SAP130: variants seen among roughly 807,000 people sequenced by gnomAD.
SAP130 encodes the protein histone deacetylase complex subunit SAP130.
A neutral mutation model predicts 103.2 loss-of-function variants in SAP130; 16 were observed. The ratio of observed to expected loss-of-function variants is 0.16; its 90% confidence interval spans 0.10 to 0.24. SAP130 has a LOEUF of 0.24. SAP130 is among the 10% of genes least tolerant of loss of function. The pLI is 1.00. For synonymous variants in SAP130, 477 were observed against 497.0 expected, an observed-to-expected ratio of 0.96 and a Z score of 0.53; for missense variants, 990 against 1,359.7, an observed-to-expected ratio of 0.73 and a Z score of 4.28.
chr2:127,982,086 A>G (rs1487478236), intron 14 of SAP130, among the ~76,000 whole-genome samples: 1 of 152,136 alleles, frequency 6.6e-6, no homozygotes, highest in African/African-American at 2.4e-5. Flanking sequence ...CATTTTCTAT[A>G]TACTTCCATG....
chr2:128,026,984 G>A (rs999734614), intron 1 of SAP130: 5 of 1,074,744 alleles, frequency 4.7e-6, no homozygotes, highest in South Asian at 3.6e-5. Context: ...GAGACCGGAG[G>A]ACGCCGGTTT....
Position 127,989,248 on chromosome 2 carries a change from G to A in SAP130, c.1780+316C>T, listed in dbSNP as rs1264419091. ...CGAGTAGCTAGGACTACAGGCCCCC[G>A]CCACCACGCCTGGCTAATTTTTTTG... On this transcript the variant is annotated intron_variant, in intron 13 of 20. Transcript: ENST00000643581. This position sits in a 1 kb window ranked among gnomAD's most constrained non-coding sequence, Gnocchi z 4.6. 6.6e-6 allele frequency among the ~76,000 whole-genome samples: 1 copy of A among 151,668 alleles called. No homozygotes were observed. Among genetic ancestry groups the A allele is most frequent in the Non-Finnish European group, 1.5e-5 (1 of 67,938 alleles).
intron 13 of SAP130, among the ~76,000 whole-genome samples, chr2:127,988,880 C>T (rs1342144969): frequency 6.6e-6 from 1 of 151,990 alleles, no homozygotes; most frequent in Non-Finnish European, 1.5e-5. Context: ...TGACTTATTC[C>T]ATTTTTCAAA....
chr2:128,027,403 C>A, intron 1 of SAP130: 1 of 1,133,876 alleles, frequency 8.8e-7, no homozygotes, highest in Non-Finnish European at 1.1e-6. Flanking sequence ...AGAGCCCGCC[C>A]CACCCTCCCG....
intron 7 of SAP130, among the ~76,000 whole-genome samples, chr2:128,002,728 A>C (rs1227798802): frequency 6.6e-6 from 1 of 152,034 alleles, no homozygotes; most frequent in East Asian, 1.9e-4. Flanking sequence ...TTGAAAACTA[A>C]AACAAAAAAC....
intron 12 of SAP130, among the ~76,000 whole-genome samples, chr2:127,991,422 C>A (rs1416483402): frequency 6.6e-6 from 1 of 151,040 alleles, no homozygotes. Flanking sequence ...TCACTGCAGC[C>A]TCAACCTCCT....
At chr2:127,970,540 T>TAAAAA in intron 15 of SAP130, among the ~76,000 whole-genome samples, 1 of 19,120 alleles carries the variant, frequency 5.2e-5, no homozygotes, top group African/African-American at 1.0e-4. Context: ...AGACTCTGTC[T>TAAAAA]TAAAAAAAAA....
intron 16 of SAP130, among the ~76,000 whole-genome samples, 162 bp downstream of exon 16, chr2:127,954,824 T>C (rs1012642558): frequency 6.6e-6 from 1 of 152,244 alleles, no homozygotes; most frequent in Non-Finnish European, 1.5e-5. Flanking sequence ...ACAATGAGTT[T>C]ACTGCTTTCT....
At position 127,996,272 on chromosome 2, in the gene SAP130, G is replaced by T; in HGVS notation, c.1355+78C>A. ...GTAATAAATATAGGCCATATTTGTG[G>T]GACACTTTGTTTTATGCTGATAAAG... is the stretch of plus-strand genomic sequence containing the variant. On this transcript the variant is annotated intron_variant, in intron 11 of 20. Coordinates refer to ENST00000643581, the MANE Select transcript of SAP130 (RefSeq NM_001330301.2). This position sits in a 1 kb window ranked among gnomAD's most constrained non-coding sequence, Gnocchi z 4.3. The T allele has an allele frequency of 7.7e-7, 1 of 1,295,436 alleles. No homozygotes were observed. Among genetic ancestry groups the T allele is most frequent in the Non-Finnish European group, 1.0e-6 (1 of 983,050 alleles). The allele number at this position is 1,295,436 out of a possible 1,614,324, so 80.2% of individuals were successfully genotyped here. A position where few individuals can be genotyped will look rare whatever the true frequency, so the allele number is the denominator to read the frequency against.
Position 127,941,897 on chromosome 2 carries a change from G to T in SAP130, c.*109C>A. 2.0e-6 allele frequency: 2 copies of T among 988,732 alleles called. No individual in the cohort carries two copies. Among genetic ancestry groups the T allele is most frequent in the Non-Finnish European group, 3.1e-6 (2 of 651,250 alleles). 61.2% of individuals were successfully genotyped at this position (988,732 alleles called of 1,614,324 possible). The stretch of plus-strand genomic sequence containing the variant: ...CCTCTGCTTTCACACGGGAACTAAG[G>T]AACACTTCCTTTATTTCAATGTTCC... On this transcript the variant is annotated 3_prime_UTR_variant, in exon 21 of 21. Transcript: ENST00000643581.
chr2:127,986,422 T>A lies in SAP130; in HGVS notation c.1958+363A>T, dbSNP rs915150780. ...CTTTTCCCGTTTCAACAGCAACGAT[T>A]CATGCTGAATGAAGTTTATAGTATG... On this transcript the variant is annotated intron_variant, in intron 14 of 20. Coordinates refer to ENST00000643581, the MANE Select transcript of SAP130 (RefSeq NM_001330301.2). This position sits in a 1 kb window ranked among gnomAD's most constrained non-coding sequence, Gnocchi z 4.7. 6.6e-6 allele frequency among the ~76,000 whole-genome samples: 1 copy of A among 152,204 alleles called. No homozygotes were observed. The highest frequency in any genetic ancestry group is 2.4e-5 in the African/African-American group (1 of 41,448).
At chr2:128,006,785 A>T (rs969659911) in intron 7 of SAP130, among the ~76,000 whole-genome samples, 2 of 152,274 alleles carry the variant, frequency 1.3e-5, no homozygotes, top group Non-Finnish European at 2.9e-5. Context: ...GTCTCAAAAA[A>T]GAATTCTATG....
chr2:128,010,082 C>G (rs1684276028), intron 7 of SAP130, among the ~76,000 whole-genome samples, 187 bp downstream of exon 7: 1 of 151,898 alleles, frequency 6.6e-6, no homozygotes, highest in African/African-American at 2.4e-5. Flanking sequence ...CCTGTAAAAA[C>G]AGAAGCTCTG....
chr2:127,950,012 T>C lies in SAP130; in HGVS notation c.2672-18A>G, dbSNP rs1473796792. 1 of 1,613,424 alleles carries C rather than the reference T, an allele frequency of 6.2e-7. No homozygotes were observed. Among genetic ancestry groups the C allele is most frequent in the Non-Finnish European group, 8.5e-7 (1 of 1,179,664 alleles). ...TTCCTCATCTGTTAAAGAGAAGACATTAAACAACTTAGTAACACTGTCAAC... is the reference window on the plus strand; with the variant it reads ...TTCCTCATCTGTTAAAGAGAAGACACTAAACAACTTAGTAACACTGTCAAC... On this transcript the variant is annotated intron_variant, in intron 17 of 20. Coordinates refer to ENST00000643581, the MANE Select transcript of SAP130 (RefSeq NM_001330301.2).
chr2:127,974,246 T>C (rs555077054), intron 15 of SAP130, among the ~76,000 whole-genome samples: 1 of 152,298 alleles, frequency 6.6e-6, no homozygotes, highest in Non-Finnish European at 1.5e-5. Context: ...AACCCTCCAA[T>C]GGCTCTCCGT....
intron 14 of SAP130, among the ~76,000 whole-genome samples, chr2:127,985,451 C>T (rs1245422504): frequency 6.6e-6 from 1 of 152,216 alleles, no homozygotes; most frequent in Non-Finnish European, 1.5e-5. Flanking sequence ...CACAGAAACT[C>T]TGCTCTCTGA....
intron 15 of SAP130, among the ~76,000 whole-genome samples, chr2:127,970,728 G>A (rs1229356273): frequency 6.6e-6 from 1 of 151,654 alleles, no homozygotes; most frequent in Non-Finnish European, 1.5e-5. Context: ...AAAAAGACCA[G>A]TCATATTCAA....
intron 7 of SAP130, among the ~76,000 whole-genome samples, chr2:128,002,889 G>A (rs1683662195): frequency 6.6e-6 from 1 of 152,134 alleles, no homozygotes; most frequent in Non-Finnish European, 1.5e-5. Flanking sequence ...CACTTTGGGA[G>A]GCCAAGGCAG....
intron 14 of SAP130, among the ~76,000 whole-genome samples, chr2:127,980,392 T>C (rs1681779959): frequency 6.6e-6 from 1 of 152,020 alleles, no homozygotes; most frequent in South Asian, 2.1e-4. Context: ...AGAACAAGTG[T>C]TGGTGAGGAT....
Sources: allele counts gnomAD v4.1 joint callset (sites outside exome capture counted in the v4.1 genomes callset), GRCh38; gene constraint gnomAD v4.1.1; non-coding constraint Gnocchi (gnomAD v3.1); transcripts MANE v1.5; gene names NCBI Gene and HGNC (gene_info 2026-07-23, HGNC 2026-07-21).